The following IL1RAPL2 variants were observed in gnomAD, a reference collection of about 807,000 sequenced individuals.
IL1RAPL2 encodes the protein interleukin 1 receptor accessory protein like 2.
In IL1RAPL2, 3 loss-of-function variants were observed where a neutral mutation model predicts 44.1. That is an observed-to-expected ratio of 0.07 (90% CI 0.03 to 0.18). The LOEUF (loss-of-function observed/expected upper bound fraction) is 0.18, where lower values mean the gene tolerates loss of function less well. Among genes scored for constraint, IL1RAPL2 ranks in the 10% least tolerant of loss-of-function variants. IL1RAPL2 has a pLI of 1.00. For missense variants in IL1RAPL2, 391 were observed against 496.4 expected (o/e 0.79, Z 2.02); for synonymous variants, 181 against 178.8 (o/e 1.01, Z -0.10).
At chrX:105,270,197 C>T (rs2034436228) in intron 5 of IL1RAPL2, among the ~76,000 whole-genome samples, 1 of 111,399 alleles carries the variant, frequency 9.0e-6, no homozygotes, top group Non-Finnish European at 1.9e-5. Context: ...TTTATGCTTT[C>T]CAAGGATCAT....
chrX:104,761,994 C>A (rs867650310), intron 2 of IL1RAPL2, among the ~76,000 whole-genome samples: 1 of 79,344 alleles, frequency 1.3e-5, no homozygotes, highest in African/African-American at 4.6e-5. Context: ...CCTCCTCCTC[C>A]TCTTCTTCTT....
intron 6 of IL1RAPL2, among the ~76,000 whole-genome samples, chrX:105,533,989 G>T (rs56023533): frequency 0.16 from 17,674 of 111,588 alleles, 3,394 homozygotes; most frequent in African/African-American, 0.55. Context: ...TATAGATTAT[G>T]GCTAACATTT....
At chrX:105,235,459 T>C (rs1314120625) in intron 4 of IL1RAPL2, among the ~76,000 whole-genome samples, 1 of 111,424 alleles carries the variant, frequency 9.0e-6, no homozygotes, top group Non-Finnish European at 1.9e-5. Flanking sequence ...CTATAGGATC[T>C]GACAGACCCT....
intron 6 of IL1RAPL2, among the ~76,000 whole-genome samples, chrX:105,601,398 A>G (rs1197869388): frequency 9.0e-6 from 1 of 111,679 alleles, no homozygotes; most frequent in Non-Finnish European, 1.9e-5. Context: ...ACTGGAATTC[A>G]GCAAGAAAAT....
At chrX:105,454,977 A>C (rs1397924517) in intron 5 of IL1RAPL2, among the ~76,000 whole-genome samples, 1 of 111,020 alleles carries the variant, frequency 9.0e-6, no homozygotes, top group African/African-American at 3.3e-5. Flanking sequence ...AATAAATCAC[A>C]ACAAAGACTC....
At chrX:104,814,297 C>T (rs1020407117) in intron 2 of IL1RAPL2, among the ~76,000 whole-genome samples, 1 of 112,246 alleles carries the variant, frequency 8.9e-6, no homozygotes, top group Non-Finnish European at 1.9e-5. Context: ...ACTAATCTGA[C>T]CTTTCTCTGA....
At chrX:105,112,537 G>C (rs1481571296) in intron 2 of IL1RAPL2, among the ~76,000 whole-genome samples, 1 of 112,348 alleles carries the variant, frequency 8.9e-6, no homozygotes, top group Admixed American at 9.4e-5. Flanking sequence ...CTCACATAAA[G>C]GTATTATATA....
chrX:104,577,115 C>T lies in IL1RAPL2; in HGVS notation c.-20+10064C>T, dbSNP rs140825351. Among the ~76,000 whole-genome samples the T allele has an allele frequency of 5.4e-3, 608 of 111,795 alleles. 8 individuals carry two copies. Among genetic ancestry groups the T allele is most frequent in the African/African-American group, 0.018 (567 of 30,787 alleles). On this transcript the variant is annotated intron_variant, in intron 1 of 10. Coordinates refer to ENST00000372582, the MANE Select transcript of IL1RAPL2 (RefSeq NM_017416.2). The stretch of plus-strand genomic sequence containing the variant: ...CTCTTGCCTCCTCCCCTTCCGTTCC[C>T]ATACTCACCCAATTCCCTAGTGTTT...
chrX:105,298,243 C>G (rs954709447), intron 5 of IL1RAPL2, among the ~76,000 whole-genome samples: 1 of 111,825 alleles, frequency 8.9e-6, no homozygotes, highest in Non-Finnish European at 1.9e-5. Flanking sequence ...GTTCTCTTAT[C>G]TAACTGAAAC....
intron 6 of IL1RAPL2, among the ~76,000 whole-genome samples, chrX:105,712,890 C>A (rs1174162853): frequency 8.9e-6 from 1 of 112,093 alleles, no homozygotes; most frequent in Admixed American, 9.4e-5. Flanking sequence ...GTTCCCATTC[C>A]AAATGGGAGA....
rs1266120660 is a variant in IL1RAPL2, at chrX:104,672,749, C to A, written c.82+13754C>A. On this transcript the variant is annotated intron_variant, in intron 2 of 10. Coordinates refer to ENST00000372582, the MANE Select transcript of IL1RAPL2 (RefSeq NM_017416.2). The stretch of plus-strand genomic sequence containing the variant: ...GTGTTCCTATTTCTCCACATCCTCT[C>A]CAGCACCTGTTGTTTCCTGACTTTT... 9.4e-5 allele frequency among the ~76,000 whole-genome samples: 10 copies of A among 105,835 alleles called. No individual in the cohort carries two copies. The South Asian group carries it at 3.9e-3, about 41-fold the overall frequency. 91.9% of individuals were successfully genotyped at this position (105,835 alleles called of 115,157 possible). A position where few individuals can be genotyped will look rare whatever the true frequency, so the allele number is the denominator to read the frequency against.
At chrX:105,669,706 A>G (rs922420184) in intron 6 of IL1RAPL2, among the ~76,000 whole-genome samples, 1 of 110,537 alleles carries the variant, frequency 9.0e-6, no homozygotes, top group Non-Finnish European at 1.9e-5. Flanking sequence ...ATCATAACAC[A>G]GAACAGTTCT....
chrX:105,029,999 T>C (rs373562374), intron 2 of IL1RAPL2, among the ~76,000 whole-genome samples: 47 of 112,293 alleles, frequency 4.2e-4, no homozygotes, highest in Admixed American at 4.0e-3. Flanking sequence ...TCTCTGATGG[T>C]CAGTGATGAT....
At chrX:104,996,554 T>C (rs2030751526) in intron 2 of IL1RAPL2, among the ~76,000 whole-genome samples, 1 of 112,311 alleles carries the variant, frequency 8.9e-6, no homozygotes, top group Non-Finnish European at 1.9e-5. Context: ...CATGCTAGCA[T>C]ACAGTCATGC....
intron 7 of IL1RAPL2, among the ~76,000 whole-genome samples, chrX:105,729,332 TTCTA>T (rs1414129275): frequency 8.9e-6 from 1 of 111,737 alleles, no homozygotes; most frequent in African/African-American, 3.2e-5. Context: ...GGATGATAAT[TTCTA>T]TTGCTTCACA....
At chrX:104,973,516 A>C (rs2147722356) in intron 2 of IL1RAPL2, among the ~76,000 whole-genome samples, 1 of 111,986 alleles carries the variant, frequency 8.9e-6, no homozygotes, top group Non-Finnish European at 1.9e-5. Context: ...GCCGACAAAA[A>C]AGCTAAAGGA....
At chrX:104,771,927 A>G (rs1932647151) in intron 2 of IL1RAPL2, among the ~76,000 whole-genome samples, 1 of 112,131 alleles carries the variant, frequency 8.9e-6, no homozygotes, top group South Asian at 3.7e-4. Context: ...CAAAAATGTT[A>G]TGGACACTAA....
At chrX:104,760,089 C>A (rs1453829197) in intron 2 of IL1RAPL2, among the ~76,000 whole-genome samples, 1 of 111,735 alleles carries the variant, frequency 8.9e-6, no homozygotes, top group Non-Finnish European at 1.9e-5. Context: ...ACATAATGAT[C>A]TCCGGTTCCA....
chrX:105,513,826 A>G (rs919235044), intron 6 of IL1RAPL2, among the ~76,000 whole-genome samples: 6 of 102,576 alleles, frequency 5.8e-5, no homozygotes, highest in East Asian at 2.9e-4. Context: ...TTGGTGTTTT[A>G]GACATGAAAT....
Sources: allele counts gnomAD v4.1 joint callset (sites outside exome capture counted in the v4.1 genomes callset), GRCh38; gene constraint gnomAD v4.1.1; transcripts MANE v1.5; gene names NCBI Gene and HGNC (gene_info 2026-07-23, HGNC 2026-07-21).